The following KCNK10 variants were observed in gnomAD, a reference collection of about 807,000 sequenced individuals.
The protein encoded by KCNK10 is potassium channel subfamily K member 10.
In KCNK10, 25 loss-of-function variants were observed where a neutral mutation model predicts 47.7. The ratio of observed to expected loss-of-function variants is 0.52; its 90% confidence interval spans 0.38 to 0.73. KCNK10 has a LOEUF of 0.73. KCNK10 is among the 30% of genes least tolerant of loss of function. The pLI is 0.00. For missense variants in KCNK10, 563 were observed against 714.5 expected (o/e 0.79, Z 2.42); for synonymous variants, 303 against 285.6 (o/e 1.06, Z -0.61).
intron 1 of KCNK10, among the ~76,000 whole-genome samples, chr14:88,301,652 G>GA (rs36032285): frequency 0.44 from 64,294 of 145,696 alleles, 14,724 homozygotes; most frequent in African/African-American, 0.58. Flanking sequence ...AATCCTAGGA[G>GA]AAAAAAAAAA....
At chr14:88,242,965 A>G (rs1419721664) in intron 2 of KCNK10, among the ~76,000 whole-genome samples, 4 of 152,220 alleles carry the variant, frequency 2.6e-5, no homozygotes, top group African/African-American at 9.6e-5. Flanking sequence ...GGCTCACTCA[A>G]GTCTCACGGT....
intron 1 of KCNK10, among the ~76,000 whole-genome samples, chr14:88,285,335 C>T (rs1489341219): frequency 2.6e-5 from 4 of 152,196 alleles, no homozygotes; most frequent in Non-Finnish European, 5.9e-5. Flanking sequence ...TAGTCTAGAA[C>T]TCCTGACCTC....
rs1162288053 is a variant in KCNK10 at position 88,185,446 on chromosome 14, T to G, written c.*89A>C. ...TGCTATGTAATTTTGGACTAAAAAG[T>G]CTGTTTAAGGCACATGTCTCAGTGT... On this transcript the variant is annotated 3_prime_UTR_variant, in exon 7 of 7. Transcript: ENST00000319231. The surrounding 1 kb of genome is among the most constrained non-coding windows in gnomAD (Gnocchi z 4.3). The G allele has an allele frequency of 1.3e-6, 2 of 1,505,208 alleles. No individual in the cohort carries two copies. The highest frequency in any genetic ancestry group is 1.8e-6 in the Non-Finnish European group (2 of 1,125,106). The allele number at this position is 1,505,208 out of a possible 1,614,324, so 93.2% of individuals were successfully genotyped here. A position where few individuals can be genotyped will look rare whatever the true frequency, so the allele number is the denominator to read the frequency against.
At chr14:88,321,102 A>T (rs1471539705) in intron 1 of KCNK10, among the ~76,000 whole-genome samples, 3 of 152,174 alleles carry the variant, frequency 2.0e-5, no homozygotes, top group Non-Finnish European at 4.4e-5. Flanking sequence ...CTGGGTGTTT[A>T]AAAAAGGCAA....
At chr14:88,192,470 T>C (rs1031660029) in intron 4 of KCNK10, 60 bp from the exon 5 acceptor site, 27 of 1,431,844 alleles carry the variant, frequency 1.9e-5, no homozygotes, top group South Asian at 6.2e-5. Context: ...ATTCAGGATA[T>C]AGATGCACAG....
intron 4 of KCNK10, among the ~76,000 whole-genome samples, chr14:88,203,066 A>G (rs559510526): frequency 1.3e-5 from 2 of 152,240 alleles, no homozygotes; most frequent in African/African-American, 4.8e-5. Context: ...CATATCTTGG[A>G]TGTTATATAA....
At chr14:88,272,487 G>A (rs74940643) in intron 1 of KCNK10, among the ~76,000 whole-genome samples, 7,364 of 152,030 alleles carry the variant, frequency 0.048, 318 homozygotes, top group South Asian at 0.19. Context: ...GCAATGGGGG[G>A]GCAACAGATA....
intron 1 of KCNK10, among the ~76,000 whole-genome samples, chr14:88,273,180 A>C (rs1311751115): frequency 6.6e-6 from 1 of 152,164 alleles, no homozygotes; most frequent in Admixed American, 6.5e-5. Context: ...TGCTCAAGGG[A>C]GCAACATTTA....
At chr14:88,219,330 T>C (rs1885722259) in intron 4 of KCNK10, among the ~76,000 whole-genome samples, 1 of 152,208 alleles carries the variant, frequency 6.6e-6, no homozygotes, top group African/African-American at 2.4e-5. Flanking sequence ...CAGCTACGAA[T>C]GGGACCTGGT....
intron 1 of KCNK10, among the ~76,000 whole-genome samples, chr14:88,320,025 C>T (rs913671215): frequency 2.6e-5 from 4 of 152,210 alleles, no homozygotes; most frequent in African/African-American, 9.7e-5. Flanking sequence ...ACTCTCTTCC[C>T]TCCTCCATCC....
At chr14:88,219,353 CCAATGGGCTCTACCTGAGGGA>C (rs1885723628) in intron 4 of KCNK10, among the ~76,000 whole-genome samples, 1 of 152,210 alleles carries the variant, frequency 6.6e-6, no homozygotes, top group Non-Finnish European at 1.5e-5. Flanking sequence ...CTAGCTCGGG[CCAATGGGCTCTACCTGAGGGA>C]CAACGCTCTG....
In KCNK10 at chr14:88,297,396, G is replaced by C. The variant is rs529558606; in HGVS notation, c.52+25351C>G. On this transcript the variant is annotated intron_variant, in intron 1 of 6. Transcript: ENST00000319231. ...AAGTTTAGTGTCTACTTAATAGTGA[G>C]TTTGAAATTGGACACTATTTTTAAG... Among the ~76,000 whole-genome samples, 5 of 152,290 alleles carry C rather than the reference G, an allele frequency of 3.3e-5. No homozygotes were observed. The East Asian group carries it at 7.7e-4, about 24-fold the overall frequency.
At chr14:88,290,328 C>T (rs763666667) in intron 1 of KCNK10, among the ~76,000 whole-genome samples, 8 of 152,062 alleles carry the variant, frequency 5.3e-5, no homozygotes, top group Non-Finnish European at 1.0e-4. Context: ...CCCTAAAGCC[C>T]CCAGAAGGAA....
chr14:88,246,676 A>G (rs981621470), intron 2 of KCNK10, among the ~76,000 whole-genome samples: 1 of 152,134 alleles, frequency 6.6e-6, no homozygotes, highest in Non-Finnish European at 1.5e-5. Context: ...TGATTCAGAG[A>G]TGTCTTGGAT....
intron 4 of KCNK10, among the ~76,000 whole-genome samples, chr14:88,195,099 T>G (rs1188242871): frequency 6.6e-6 from 1 of 152,094 alleles, no homozygotes; most frequent in Admixed American, 6.5e-5. Context: ...AACCATCTCA[T>G]GTGCCGTGTG....
intron 4 of KCNK10, among the ~76,000 whole-genome samples, chr14:88,196,964 C>G (rs1354784844): frequency 1.3e-5 from 2 of 152,346 alleles, no homozygotes; most frequent in African/African-American, 4.8e-5. Context: ...TTTAAACACT[C>G]TCTGCCTAAA....
At chr14:88,220,822 C>T (rs1219651666) in intron 4 of KCNK10, among the ~76,000 whole-genome samples, 2 of 151,946 alleles carry the variant, frequency 1.3e-5, no homozygotes, top group Admixed American at 6.6e-5. Flanking sequence ...TTAGATACAA[C>T]AAACACATGC....
At chr14:88,204,860 C>T (rs1178950660) in intron 4 of KCNK10, among the ~76,000 whole-genome samples, 2 of 152,178 alleles carry the variant, frequency 1.3e-5, no homozygotes, top group Non-Finnish European at 2.9e-5. Flanking sequence ...GAGTAGTGCA[C>T]TGGTTACAAG....
Position 88,190,842 on chromosome 14 carries a change from ATC to A in KCNK10, c.868+1380_868+1381del, listed in dbSNP as rs201818087. On this transcript the variant is annotated intron_variant, in intron 5 of 6. Coordinates refer to ENST00000319231, the MANE Select transcript of KCNK10 (RefSeq NM_138317.3). ...TGCCCCTATTGATGAGCCTTCAGCA[ATC>A]TCTTCCAGAATTTCCTGTTTGCCAG... 7.4e-3 allele frequency among the ~76,000 whole-genome samples: 1,133 copies of A among 152,252 alleles called. 17 individuals are homozygous for A. The highest frequency in any genetic ancestry group is 0.026 in the African/African-American group (1,086 of 41,536).
Sources: gnomAD v4.1 joint callset for allele counts (sites outside exome capture counted in the v4.1 genomes callset) on GRCh38, gnomAD v4.1.1 for gene constraint, Gnocchi (gnomAD v3.1) non-coding constraint, MANE v1.5 for transcripts, NCBI Gene and HGNC (gene_info 2026-07-23, HGNC 2026-07-21) for gene names.